Variants in CACNA1S observed in about 807,000 individuals in gnomAD.
CACNA1S encodes the protein calcium voltage-gated channel subunit alpha1 S, also known as voltage-dependent L-type calcium channel subunit alpha-1S.
Under a neutral mutation model 207.4 loss-of-function variants are expected in CACNA1S, and 126 were observed. The observed-to-expected ratio is 0.61, with a 90% CI of 0.53 to 0.70. The LOEUF is 0.70. CACNA1S is among the 30% of genes least tolerant of loss of function. The pLI is 0.00. For synonymous variants in CACNA1S, 960 were observed against 932.7 expected (o/e 1.03, Z -0.53); for missense variants, 2,349 against 2,422.8 (o/e 0.97, Z 0.64).
At chr1:201,081,639 C>T (rs573270204) in intron 10 of CACNA1S, among the ~76,000 whole-genome samples, 3 of 152,312 alleles carry the variant, frequency 2.0e-5, no homozygotes, top group East Asian at 1.9e-4. Flanking sequence ...GGCCTGATAT[C>T]GTTTGGATAG....
rs745515067 is a variant in CACNA1S, at chr1:201,085,571, T to C, written c.1015A>G (p.Lys339Glu). ...CTGGACTTGGCCTTCTCCCGCTCCT[T>C]GGTGAATTCCCTGAAATGAGATGGG... ...VLGVLSGEFTKEREKAKSRGT... is the reference protein window; with the variant it reads ...VLGVLSGEFTEEREKAKSRGT... The change falls in exon 8 of 44, where the codon AAG becomes GAG. Residue 339 changes from lysine (K) to glutamate (E), a missense_variant. Lys to Glu is a moderately conservative substitution (Grantham distance 56, BLOSUM62 1). Coordinates refer to ENST00000362061, the MANE Select transcript of CACNA1S (RefSeq NM_000069.3). 1 of 1,613,642 alleles carries C rather than the reference T, an allele frequency of 6.2e-7. No individual in the cohort carries two copies.
chr1:201,108,711 G>A (rs539169020), intron 2 of CACNA1S, among the ~76,000 whole-genome samples: 2 of 152,232 alleles, frequency 1.3e-5, no homozygotes, highest in African/African-American at 4.8e-5. Flanking sequence ...CTTCCCATCA[G>A]CTCAAGATAG....
chr1:201,057,114 G>C (rs145556506), intron 28 of CACNA1S, among the ~76,000 whole-genome samples: 1 of 152,138 alleles, frequency 6.6e-6, no homozygotes, highest in East Asian at 1.9e-4. Flanking sequence ...CCCTCCAAAG[G>C]GTTCTCATCT....
intron 23 of CACNA1S, 106 bp downstream of exon 23, chr1:201,062,356 T>C: frequency 8.4e-7 from 1 of 1,188,538 alleles, no homozygotes; most frequent in Non-Finnish European, 1.3e-6. Context: ...CCTGCCACAC[T>C]CCCTGCCCCG....
intron 35 of CACNA1S, 69 bp from the exon 36 acceptor site, chr1:201,048,753 C>T (rs1057282542): frequency 1.0e-5 from 14 of 1,397,634 alleles, no homozygotes; most frequent in Non-Finnish European, 1.4e-5. Context: ...TCATCCTCAC[C>T]CGGTCTGTGG....
At position 201,065,900 on chromosome 1, in the gene CACNA1S, T is replaced by C. The variant is rs778518002; in HGVS notation, c.2791A>G (p.Ile931Val). 1.3e-5 allele frequency: 21 copies of C among 1,614,036 alleles called. No individual in the cohort carries two copies. The South Asian group carries it at 1.6e-4, about 13-fold the overall frequency. The change falls in exon 22 of 44, where the codon ATC (isoleucine) becomes GTC (valine). Residue 931 changes from isoleucine (I) to valine (V), a missense_variant. By Grantham distance (29) the Ile-to-Val change is conservative. Transcript: ENST00000362061. ...TGTAGGAGGGTAGTGACCAGCACGA[T>C]GTTCCCGATGGTGCTGATGGCCACG... ...MFVAISTIGN[I>V]VLVTTLLQFM...
At chr1:201,091,082 C>T (rs1662210928) in intron 5 of CACNA1S, among the ~76,000 whole-genome samples, 1 of 152,088 alleles carries the variant, frequency 6.6e-6, no homozygotes, top group Non-Finnish European at 1.5e-5. Context: ...CTCTGAGGTC[C>T]TCAGTAATTT....
At chr1:201,052,791 A>G (rs1660700982) in intron 31 of CACNA1S, 143 bp from the exon 32 acceptor site, 4 of 707,396 alleles carry the variant, frequency 5.7e-6, no homozygotes, top group South Asian at 4.7e-5. Flanking sequence ...ATCAGACCTG[A>G]AGCCAAAAAA....
rs757474339 is a variant in CACNA1S, at chr1:201,050,503, A to G, written c.4127T>C (p.Phe1376Ser). ...AAAATTGTCCATGATGACAGCCACAAAGAGGTTGATGACCTGCAAGAGAAG... is the reference window on the plus strand; with the variant it reads ...AAAATTGTCCATGATGACAGCCACAGAGAGGTTGATGACCTGCAAGAGAAG... ...MLCAFLVINL[F>S]VAVIMDNFDY... The change falls in exon 34 of 44, where the codon TTT (phenylalanine) becomes TCT (serine). Residue 1376 changes from phenylalanine to serine, a missense_variant. Transcript: ENST00000362061. The G allele has an allele frequency of 6.2e-7, 1 of 1,614,008 alleles. No individual in the cohort carries two copies. Among genetic ancestry groups the G allele is most frequent in the African/African-American group, 1.3e-5 (1 of 74,900 alleles).
intron 42 of CACNA1S, 80 bp downstream of exon 42, chr1:201,040,542 C>T: frequency 6.8e-7 from 1 of 1,466,176 alleles, no homozygotes; most frequent in Non-Finnish European, 9.5e-7. Context: ...ACAGCCTTCC[C>T]CTGCCATGAT....
rs541950413 is a variant in CACNA1S at position 201,059,182 on chromosome 1, C to A, written c.3525+7G>T. The A allele has an allele frequency of 5.0e-6, 8 of 1,594,370 alleles. No individual in the cohort carries two copies. The African/African-American group carries it at 1.1e-4, about 21-fold the overall frequency. Reference sequence around the variant, plus strand: ...TTCTCATCTGGCCCGGTGGCCCCCACACTCACCCTGGCCTTGAAGGCCATG... The same window carrying A: ...TTCTCATCTGGCCCGGTGGCCCCCAAACTCACCCTGGCCTTGAAGGCCATG... On this transcript the variant is annotated splice_region_variant and intron_variant, in intron 27 of 43. Coordinates refer to ENST00000362061, the MANE Select transcript of CACNA1S (RefSeq NM_000069.3).
chr1:201,095,159 T>C (rs1177215978), intron 2 of CACNA1S, among the ~76,000 whole-genome samples: 3 of 149,236 alleles, frequency 2.0e-5, no homozygotes, highest in Admixed American at 1.3e-4. Context: ...TATATATACA[T>C]ATATATATAT....
rs1440865982 is a variant in CACNA1S, at chr1:201,053,370, C to G, written c.3795+89G>C. 6.2e-7 allele frequency: 1 copy of G among 1,611,824 alleles called. No individual in the cohort carries two copies. Among genetic ancestry groups the G allele is most frequent in the East Asian group, 2.2e-5 (1 of 44,812 alleles). The stretch of plus-strand genomic sequence containing the variant: ...TAGCTCCCCAGGGCTCTGCCTTGCC[C>G]AGGGCTCCCCTGGGGCCCACCCTGG... On this transcript the variant is annotated intron_variant, in intron 30 of 43. Coordinates refer to ENST00000362061, the MANE Select transcript of CACNA1S (RefSeq NM_000069.3). The surrounding 1 kb of genome is among the most constrained non-coding windows in gnomAD (Gnocchi z 5.1).
At chr1:201,111,894 C>T (rs904602360) in intron 1 of CACNA1S, among the ~76,000 whole-genome samples, 4 of 108,956 alleles carry the variant, frequency 3.7e-5, no homozygotes, top group Non-Finnish European at 6.0e-5. Flanking sequence ...CAGGAAGCCC[C>T]ACCAAGTCCT....
chr1:201,047,313 T>C (rs1660503393), intron 37 of CACNA1S, 74 bp from the exon 38 acceptor site: 28 of 1,596,858 alleles, frequency 1.8e-5, no homozygotes, highest in Non-Finnish European at 2.3e-5. Flanking sequence ...GGGAGCCAGC[T>C]GTAGCCAGGC....
chr1:201,092,884 A>C (rs973678905), intron 3 of CACNA1S, among the ~76,000 whole-genome samples: 1 of 152,224 alleles, frequency 6.6e-6, no homozygotes. Context: ...ATACTGGTTG[A>C]GCATGCAGCC....
At chr1:201,089,682 C>G (rs1021947292) in intron 5 of CACNA1S, among the ~76,000 whole-genome samples, 2 of 152,218 alleles carry the variant, frequency 1.3e-5, no homozygotes, top group African/African-American at 4.8e-5. Context: ...GTCTTGGGCC[C>G]CTGGGCCTCA....
chr1:201,056,949 G>T (rs552566363), intron 28 of CACNA1S, among the ~76,000 whole-genome samples: 2 of 152,190 alleles, frequency 1.3e-5, no homozygotes, highest in South Asian at 4.2e-4. Context: ...AGCCTCCACA[G>T]CCAGCCCCGG....
chr1:201,074,515 T>C lies in CACNA1S; in HGVS notation c.2054A>G (p.Lys685Arg), dbSNP rs757518286. 1 of 1,610,380 alleles carries C rather than the reference T, an allele frequency of 6.2e-7. No individual in the cohort carries two copies. The highest frequency in any genetic ancestry group is 2.2e-5 in the East Asian group (1 of 44,880). ...KAKAEEKKRRKMSKGLPDKSE... is the reference protein window; with the variant it reads ...KAKAEEKKRRRMSKGLPDKSE... ...CTAAGGAAGCACTCACTTGGACATC[T>C]TCCTGCGTTTTTTCTCCTCAGCCTT... The change falls in exon 14 of 44, where the codon AAG becomes AGG. Residue 685 changes from lysine to arginine, a missense_variant. By Grantham distance (26) the Lys-to-Arg change is conservative. Coordinates refer to ENST00000362061, the MANE Select transcript of CACNA1S (RefSeq NM_000069.3).
Sources: allele counts gnomAD v4.1 joint callset (sites outside exome capture counted in the v4.1 genomes callset), GRCh38; gene constraint gnomAD v4.1.1; non-coding constraint Gnocchi (gnomAD v3.1); transcripts MANE v1.5; gene names NCBI Gene and HGNC (gene_info 2026-07-23, HGNC 2026-07-21).